Variants in PIWIL3 observed in about 807,000 individuals in gnomAD.
PIWIL3 encodes the protein piwi-like protein 3.
In PIWIL3, 101 loss-of-function variants were observed where a neutral mutation model predicts 109.7. That is an observed-to-expected ratio of 0.92 (90% CI 0.78 to 1.09). The LOEUF (loss-of-function observed/expected upper bound fraction) is 1.09, where lower values mean the gene tolerates loss of function less well. Among genes scored for constraint, PIWIL3 ranks in the 50% least tolerant of loss-of-function variants. The pLI, the probability that PIWIL3 is intolerant of heterozygous loss-of-function variation, is 0.00. For synonymous variants in PIWIL3, 373 were observed against 376.4 expected (o/e 0.99, Z 0.10); for missense variants, 1,031 against 1,072.6 (o/e 0.96, Z 0.54).
intron 5 of PIWIL3, 111 bp downstream of exon 5, chr22:24,756,380 G>A (rs1925031176): frequency 9.7e-7 from 1 of 1,031,490 alleles, no homozygotes; most frequent in Non-Finnish European, 1.4e-6. Context: ...ATGGGCAAGA[G>A]AGCCTTGGGA....
Position 24,755,830 on chromosome 22 carries a change from G to C in PIWIL3, c.646C>G (p.Pro216Ala). The C allele has an allele frequency of 6.2e-7, 1 of 1,614,046 alleles. No individual in the cohort carries two copies. Among genetic ancestry groups the C allele is most frequent in the African/African-American group, 1.3e-5 (1 of 74,990 alleles). Residue 216 changes from proline (P) to alanine (A), a missense_variant, in exon 6 of 21, where the codon CCC becomes GCC. Physicochemically the swap from Pro to Ala is conservative, Grantham distance 27. Transcript: ENST00000616349. ...TAGCGTAGGCAATCTGGCGACGTGG[G>C]CGTGAGTTCTTTGGAAAACTCAACT... ...ITVEFSKELTPTSPDCLRYYN... is the reference protein window; with the variant it reads ...ITVEFSKELTATSPDCLRYYN...
intron 9 of PIWIL3, among the ~76,000 whole-genome samples, chr22:24,750,597 T>C (rs1924650512): frequency 6.8e-6 from 1 of 147,846 alleles, no homozygotes; most frequent in Non-Finnish European, 1.5e-5. Flanking sequence ...CAAGCAATTC[T>C]CCTGCTTCAG....
rs1186089731 is a variant in PIWIL3 at position 24,727,537 on chromosome 22, CTA to C, written c.2009+411_2009+412del. 2.0e-5 allele frequency among the ~76,000 whole-genome samples: 3 copies of C among 152,164 alleles called. No individual in the cohort carries two copies. The East Asian group carries it at 5.8e-4, about 29-fold the overall frequency. On this transcript the variant is annotated intron_variant, in intron 16 of 20. Transcript: ENST00000616349. ...AAAACCAGGGACCTCTGTCATCTAA[CTA>C]CAAAGAAATGGATTCAGCCACAATG... is the stretch of plus-strand genomic sequence containing the variant.
intron 2 of PIWIL3, among the ~76,000 whole-genome samples, chr22:24,760,896 A>T (rs571030047): frequency 1.9e-4 from 29 of 150,520 alleles, no homozygotes; most frequent in Non-Finnish European, 3.5e-4. Flanking sequence ...ATAGCAAGGG[A>T]TGTGAGCTGT....
chr22:24,719,792 G>A lies in PIWIL3; in HGVS notation c.2461C>T (p.Gln821Ter). ...TGGCATAGACAATATGTTAAACGCT[G>A]TACTGTATCTGGGCTCAAGCCAATC... is the stretch of plus-strand genomic sequence containing the variant. ...DTIGLSPDTVQRLTYCLCHMY... is the reference protein window; with the variant it reads ...DTIGLSPDTV Residue 821 changes from glutamine to a stop codon, truncating the protein, a stop_gained, in exon 20 of 21, where the codon CAG becomes TAG. Transcript: ENST00000616349. LOFTEE classifies it low-confidence loss of function (END_TRUNC). The A allele has an allele frequency of 1.2e-6, 2 of 1,613,210 alleles. No individual in the cohort carries two copies. The highest frequency in any genetic ancestry group is 2.2e-5 in the East Asian group (1 of 44,878).
chr22:24,720,286 T>C, intron 19 of PIWIL3, among the ~76,000 whole-genome samples: 1 of 124,686 alleles, frequency 8.0e-6, no homozygotes, highest in East Asian at 2.2e-4. Flanking sequence ...TTTTTTTTTT[T>C]TTTTAGACGG....
At chr22:24,768,907 G>C (rs1925958104) in intron 1 of PIWIL3, among the ~76,000 whole-genome samples, 1 of 152,242 alleles carries the variant, frequency 6.6e-6, no homozygotes, top group Admixed American at 6.5e-5. Flanking sequence ...CCTTGGCCAT[G>C]AGACAAGGTT....
chr22:24,770,915 C>T (rs1601858197), intron 1 of PIWIL3, among the ~76,000 whole-genome samples: 1 of 151,610 alleles, frequency 6.6e-6, no homozygotes, highest in African/African-American at 2.4e-5. Context: ...AGAATTCTCC[C>T]CTACCTAGGG....
In PIWIL3 at chr22:24,744,178, T is replaced by TTAAAAAAAAAAAAAAAAAAAAAAAAAA. The variant is rs1924180538; in HGVS notation, c.1449+4728_1449+4729insTTTTTTTTTTTTTTTTTTTTTTTTTTA. 5.0e-4 allele frequency among the ~76,000 whole-genome samples: 17 copies of TTAAAAAAAAAAAAAAAAAAAAAAAAAA among 34,318 alleles called. 7 individuals are homozygous for TTAAAAAAAAAAAAAAAAAAAAAAAAAA. The highest frequency in any genetic ancestry group is 6.8e-4 in the Non-Finnish European group (12 of 17,630). The allele number at this position is 34,318 out of a possible 152,430, so 22.5% of individuals were successfully genotyped here. A position where few individuals can be genotyped will look rare whatever the true frequency, so the allele number is the denominator to read the frequency against. The stretch of plus-strand genomic sequence containing the variant: ...ACTCTAATTGAAAGAGTGACCGAAT[T>TTAAAAAAAAAAAAAAAAAAAAAAAAAA]AAAAAAAAAAAAAAAAAAAAAAAAA... On this transcript the variant is annotated intron_variant, in intron 12 of 20. Transcript: ENST00000616349.
chr22:24,755,241 G>C (rs1924953020), intron 6 of PIWIL3, among the ~76,000 whole-genome samples: 1 of 152,138 alleles, frequency 6.6e-6, no homozygotes, highest in Admixed American at 6.5e-5. Context: ...TCCCGCCTCA[G>C]CCTTTCAAGT....
intron 12 of PIWIL3, among the ~76,000 whole-genome samples, chr22:24,745,717 GAA>G (rs71189273): frequency 0.43 from 34,466 of 80,074 alleles, 4,344 homozygotes; most frequent in East Asian, 0.54. Flanking sequence ...GTCAGACTAA[GAA>G]AAAAAAAAAA....
At chr22:24,734,847 A>C (rs575153052) in intron 13 of PIWIL3, among the ~76,000 whole-genome samples, 33 of 150,174 alleles carry the variant, frequency 2.2e-4, no homozygotes, top group South Asian at 8.5e-4. Flanking sequence ...AGAAAAAAAA[A>C]CCAAAAAAAA....
At chr22:24,746,794 T>G (rs1330242008) in intron 12 of PIWIL3, among the ~76,000 whole-genome samples, 2 of 151,974 alleles carry the variant, frequency 1.3e-5, no homozygotes, top group Non-Finnish European at 2.9e-5. Flanking sequence ...CTAACCAAAT[T>G]AGTGAAAGAT....
intron 3 of PIWIL3, 106 bp downstream of exon 3, chr22:24,759,763 C>T (rs1925302619): frequency 1.3e-6 from 2 of 1,517,958 alleles, no homozygotes; most frequent in Non-Finnish European, 1.8e-6. Flanking sequence ...CCCATCCCAC[C>T]AAACCTCACG....
At chr22:24,734,043 C>T in intron 14 of PIWIL3, 41 bp downstream of exon 14, 2 of 1,567,580 alleles carry the variant, frequency 1.3e-6, no homozygotes, top group Non-Finnish European at 1.7e-6. Context: ...TGGTTTGGAA[C>T]AATAACTAAA....
intron 13 of PIWIL3, among the ~76,000 whole-genome samples, chr22:24,735,354 T>G (rs1296582937): frequency 1.3e-5 from 2 of 152,140 alleles, no homozygotes; most frequent in South Asian, 4.1e-4. Flanking sequence ...CTATGCATTA[T>G]TGGGGGCAGG....
At chr22:24,721,450 C>T (rs998690308) in intron 19 of PIWIL3, among the ~76,000 whole-genome samples, 1 of 152,090 alleles carries the variant, frequency 6.6e-6, no homozygotes, top group African/African-American at 2.4e-5. Context: ...AATATTGCTC[C>T]ACCCCACCAC....
At chr22:24,733,553 C>T (rs528345444) in intron 14 of PIWIL3, among the ~76,000 whole-genome samples, 1 of 152,020 alleles carries the variant, frequency 6.6e-6, no homozygotes, top group Non-Finnish European at 1.5e-5. Flanking sequence ...TGGTGGTAGG[C>T]GCCTGTAATC....
At chr22:24,755,929 A>C (rs1342616467) in intron 5 of PIWIL3, 24 bp from the exon 6 acceptor site, 1 of 1,599,024 alleles carries the variant, frequency 6.3e-7, no homozygotes, top group South Asian at 1.1e-5. Context: ...AAAACAAAAA[A>C]AAAAGTCCAG....
Sources: allele counts gnomAD v4.1 joint callset (sites outside exome capture counted in the v4.1 genomes callset), GRCh38; gene constraint gnomAD v4.1.1; transcripts MANE v1.5; gene names NCBI Gene and HGNC (gene_info 2026-07-23, HGNC 2026-07-21).